The following KCNAB1 variants were observed in gnomAD, a reference collection of about 807,000 sequenced individuals.
The protein encoded by KCNAB1 is voltage-gated potassium channel subunit beta-1.
A neutral mutation model predicts 64.6 loss-of-function variants in KCNAB1; 35 were observed. The ratio of observed to expected loss-of-function variants is 0.54; its 90% CI spans 0.41 to 0.72. KCNAB1 has a LOEUF of 0.72. KCNAB1 is among the 30% of genes least tolerant of loss of function. The probability of loss-of-function intolerance (pLI) is 0.00; values close to 1 mark genes in which losing one functional copy is unlikely to be tolerated. For synonymous variants in KCNAB1, 177 were observed against 183.8 expected (o/e 0.96, Z 0.30); for missense variants, 401 against 512.9 (o/e 0.78, Z 2.11).
At chr3:156,410,862 A>G (rs563971710) in intron 1 of KCNAB1, among the ~76,000 whole-genome samples, 2 of 152,240 alleles carry the variant, frequency 1.3e-5, no homozygotes, top group African/African-American at 4.8e-5. Context: ...TATCTGGGGG[A>G]CTTTCAACCT....
chr3:156,240,788 C>T (rs975828187), intron 1 of KCNAB1, among the ~76,000 whole-genome samples: 1 of 152,104 alleles, frequency 6.6e-6, no homozygotes, highest in Non-Finnish European at 1.5e-5. Flanking sequence ...GGATCAGGCC[C>T]TGAGACAAGG....
chr3:156,334,392 A>C (rs1723542402), intron 1 of KCNAB1, among the ~76,000 whole-genome samples: 1 of 152,174 alleles, frequency 6.6e-6, no homozygotes, highest in Non-Finnish European at 1.5e-5. Flanking sequence ...AGTTGGATGA[A>C]GGAACCACCT....
intron 1 of KCNAB1, among the ~76,000 whole-genome samples, chr3:156,187,373 C>T (rs1713269625): frequency 6.6e-6 from 1 of 152,330 alleles, no homozygotes; most frequent in Non-Finnish European, 1.5e-5. Context: ...ACTGCCACAT[C>T]CATATTATCA....
chr3:156,393,016 G>A (rs530844044), intron 1 of KCNAB1, among the ~76,000 whole-genome samples: 5 of 152,180 alleles, frequency 3.3e-5, no homozygotes, highest in Non-Finnish European at 5.9e-5. Context: ...CTGGGAGTTT[G>A]TGTGGGATGG....
chr3:156,310,797 C>T (rs916929893), intron 1 of KCNAB1, among the ~76,000 whole-genome samples: 3 of 152,110 alleles, frequency 2.0e-5, no homozygotes, highest in Non-Finnish European at 4.4e-5. Context: ...GAGCGGGACT[C>T]CTCTGACTCA....
chr3:156,327,761 A>C (rs1723067594), intron 1 of KCNAB1, among the ~76,000 whole-genome samples: 1 of 152,166 alleles, frequency 6.6e-6, no homozygotes, highest in Non-Finnish European at 1.5e-5. Flanking sequence ...GAAATGGAGA[A>C]GACAAAGATT....
chr3:156,221,772 C>T (rs567196875), intron 1 of KCNAB1, among the ~76,000 whole-genome samples: 29 of 149,674 alleles, frequency 1.9e-4, no homozygotes, highest in Admixed American at 6.0e-4. Flanking sequence ...GAGCAAAACT[C>T]CATCCCCCCC....
intron 1 of KCNAB1, among the ~76,000 whole-genome samples, chr3:156,376,523 G>C (rs555057564): frequency 6.6e-6 from 1 of 152,310 alleles, no homozygotes; most frequent in East Asian, 1.9e-4. Context: ...AGGACCAAAA[G>C]TCAACCACAG....
chr3:156,129,683 A>G (rs1165313893), intron 1 of KCNAB1, among the ~76,000 whole-genome samples: 1 of 152,242 alleles, frequency 6.6e-6, no homozygotes, highest in African/African-American at 2.4e-5. Context: ...TGCTGAGTGC[A>G]TAGGAAGGGG....
chr3:156,507,290 T>C (rs1716887462), intron 8 of KCNAB1, among the ~76,000 whole-genome samples: 1 of 152,182 alleles, frequency 6.6e-6, no homozygotes, highest in Non-Finnish European at 1.5e-5. Flanking sequence ...TCATTTGCAT[T>C]GAAGAAACTG....
At chr3:156,370,693 T>C (rs1726244751) in intron 1 of KCNAB1, among the ~76,000 whole-genome samples, 1 of 152,240 alleles carries the variant, frequency 6.6e-6, no homozygotes. Flanking sequence ...CCCTGGATTG[T>C]ATCTCTCCCA....
chr3:156,328,734 C>T (rs957502008), intron 1 of KCNAB1, among the ~76,000 whole-genome samples: 1 of 152,120 alleles, frequency 6.6e-6, no homozygotes, highest in Non-Finnish European at 1.5e-5. Context: ...GAACAGAGTG[C>T]AGTATAGCGT....
intron 1 of KCNAB1, among the ~76,000 whole-genome samples, chr3:156,378,329 C>G (rs765219961): frequency 2.2e-4 from 33 of 152,066 alleles, no homozygotes; most frequent in South Asian, 6.2e-4. Flanking sequence ...TTTGGTGGAG[C>G]TTCTCTGACC....
intron 8 of KCNAB1, among the ~76,000 whole-genome samples, chr3:156,487,044 G>C (rs970037291): frequency 6.6e-6 from 1 of 152,050 alleles, no homozygotes; most frequent in Admixed American, 6.6e-5. Context: ...CTTGTTACAC[G>C]TTTAAATACC....
rs146334291 is a variant in KCNAB1 at position 156,229,941 on chromosome 3, A to G, written c.275+109055A>G. Among the ~76,000 whole-genome samples the G allele has an allele frequency of 2.2e-3, 329 of 152,348 alleles. 2 individuals are homozygous for G. Among genetic ancestry groups the G allele is most frequent in the African/African-American group, 7.6e-3 (317 of 41,576 alleles). ...TGTGATAGTTGGCATAGTATGGGAA[A>G]ACATTTAGTTAGACATCTAACACAT... On this transcript the variant is annotated intron_variant, in intron 1 of 13. Coordinates refer to ENST00000490337, the MANE Select transcript of KCNAB1 (RefSeq NM_172160.3).
intron 1 of KCNAB1, among the ~76,000 whole-genome samples, chr3:156,182,823 C>T (rs555205740): frequency 3.3e-5 from 5 of 151,510 alleles, no homozygotes; most frequent in Admixed American, 1.3e-4. Context: ...CTCAGCCTCC[C>T]GAGTAGCTGG....
chr3:156,207,493 C>G (rs1025876187), intron 1 of KCNAB1, among the ~76,000 whole-genome samples: 3 of 152,170 alleles, frequency 2.0e-5, no homozygotes, highest in Admixed American at 6.5e-5. Flanking sequence ...TGCAAATAAA[C>G]TCATTTGAAC....
chr3:156,538,630 C>T (rs1048500730), downstream of KCNAB1: 13 of 152,200 alleles, frequency 8.5e-5, no homozygotes, highest in African/African-American at 3.1e-4. Flanking sequence ...TGATCTTTCA[C>T]TGTAAGGCTT....
chr3:156,531,382 A>C (rs751843965), intron 12 of KCNAB1, 27 bp from the exon 13 acceptor site: 6 of 1,557,844 alleles, frequency 3.9e-6, no homozygotes, highest in Non-Finnish European at 5.3e-6. Context: ...TGCTTTGATA[A>C]ACTGACCCAG....
Sources: allele counts gnomAD v4.1 joint callset (sites outside exome capture counted in the v4.1 genomes callset), GRCh38; gene constraint gnomAD v4.1.1; transcripts MANE v1.5; gene names NCBI Gene and HGNC (gene_info 2026-07-23, HGNC 2026-07-21).